Variants in MRAP observed in about 807,000 individuals in gnomAD.
MRAP encodes the protein melanocortin-2 receptor accessory protein.
In MRAP, 8 loss-of-function variants were observed where a neutral mutation model predicts 8.7. The ratio of observed to expected loss-of-function variants is 0.92; its 90% CI spans 0.54 to 1.66. MRAP has a LOEUF of 1.66. MRAP is among the 40% of genes most tolerant of loss of function. The probability of loss-of-function intolerance (pLI) is 0.00; values close to 1 mark genes in which losing one functional copy is unlikely to be tolerated. For synonymous variants in MRAP, 95 were observed against 95.5 expected, an observed-to-expected ratio of 1.00 and a Z score of 0.03; for missense variants, 237 against 217.1, an observed-to-expected ratio of 1.09 and a Z score of -0.58.
downstream of MRAP, chr21:32,314,275 C>T: frequency 2.6e-6 from 1 of 382,144 alleles, no homozygotes. Context: ...GCCTCCACCT[C>T]CCAGGTTCAA....
chr21:32,293,002 A>G (rs2032077947), exon 2 of MRAP: 1 of 152,198 alleles, frequency 6.6e-6, no homozygotes, highest in African/African-American at 2.4e-5. Context: ...GGGACTTTGC[A>G]GATGTGATTA....
chr21:32,300,604 G>A (rs970342496), intron 1 of MRAP, among the ~76,000 whole-genome samples: 62 of 125,456 alleles, frequency 4.9e-4, no homozygotes, highest in African/African-American at 1.1e-3. Flanking sequence ...GTCCTATGTC[G>A]GATATGTCAC....
intron 1 of MRAP, among the ~76,000 whole-genome samples, chr21:32,300,901 G>C (rs2032276614): frequency 6.6e-6 from 1 of 151,780 alleles, no homozygotes; most frequent in African/African-American, 2.4e-5. Context: ...CCTATGTCGG[G>C]GCGTCATGTG....
chr21:32,311,929 G>A lies in MRAP; in HGVS notation c.452G>A (p.Gly151Asp). The change falls in exon 3 of 3, where the codon GGT (glycine) becomes GAT (aspartate). Residue 151 changes from glycine (G) to aspartate (D), a missense_variant. Physicochemically the swap from Gly to Asp is moderately conservative, Grantham distance 94. Transcript: ENST00000303645. The stretch of plus-strand genomic sequence containing the variant: ...CTCTGGGAACTGACCCTCAATGGGG[G>A]TCCCCTCGTCAGGAGCAAGCCCAGC... ...TLLWELTLNG[G>D]PLVRSKPSEP... 4 of 1,613,712 alleles carry A rather than the reference G, an allele frequency of 2.5e-6. No homozygotes were observed. Among genetic ancestry groups the A allele is most frequent in the Non-Finnish European group, 3.4e-6 (4 of 1,180,052 alleles).
At chr21:32,313,823 T>C (rs2032633478), downstream of MRAP, 1 of 152,240 alleles carries the variant, frequency 6.6e-6, no homozygotes, top group Admixed American at 6.5e-5. Context: ...CGAAATTTCA[T>C]GACTTTTGTC....
chr21:32,305,336 T>G (rs910227952), intron 1 of MRAP, among the ~76,000 whole-genome samples: 1 of 152,112 alleles, frequency 6.6e-6, no homozygotes, highest in African/African-American at 2.4e-5. Context: ...GAGTCCTCAG[T>G]TTTTCCTGCT....
intron 1 of MRAP, among the ~76,000 whole-genome samples, chr21:32,299,417 C>T (rs1017917499): frequency 1.3e-5 from 2 of 152,180 alleles, no homozygotes. Context: ...TCACTGCAAC[C>T]TCGACTGCCC....
intron 1 of MRAP, among the ~76,000 whole-genome samples, chr21:32,302,060 CA>C (rs746369271): frequency 3.3e-5 from 5 of 152,146 alleles, no homozygotes; most frequent in Non-Finnish European, 7.3e-5. Flanking sequence ...AAGGTAGCAC[CA>C]GGGGCAGGTG....
chr21:32,305,158 A>C (rs2032384866), intron 1 of MRAP, among the ~76,000 whole-genome samples: 1 of 151,540 alleles, frequency 6.6e-6, no homozygotes, highest in Admixed American at 6.6e-5. Flanking sequence ...TTTTTTAGAC[A>C]TGGGGTCTTG....
intron 1 of MRAP, among the ~76,000 whole-genome samples, chr21:32,304,847 G>T (rs564716194): frequency 4.6e-5 from 7 of 151,914 alleles, no homozygotes; most frequent in African/African-American, 1.7e-4. Flanking sequence ...CCCTGCCCCC[G>T]TGGAGTGTAA....
downstream of MRAP, chr21:32,312,842 G>A (rs2409450): frequency 0.16 from 23,885 of 152,060 alleles, 2,541 homozygotes; most frequent in African/African-American, 0.3. Flanking sequence ...AAATAACTGT[G>A]CCCCCCGCCC....
At chr21:32,299,626 T>C (rs995237645) in intron 1 of MRAP, among the ~76,000 whole-genome samples, 1 of 152,174 alleles carries the variant, frequency 6.6e-6, no homozygotes, top group African/African-American at 2.4e-5. Flanking sequence ...CCACCGTGCC[T>C]GGCGAGAATA....
chr21:32,299,585 C>T (rs1386725824), intron 1 of MRAP, among the ~76,000 whole-genome samples: 6 of 152,188 alleles, frequency 3.9e-5, no homozygotes, highest in African/African-American at 1.2e-4. Context: ...CCAATCTCGG[C>T]TTCCCAAAGT....
At chr21:32,296,209 C>A (rs1000196999), upstream of MRAP, among the ~76,000 whole-genome samples, 2 of 152,102 alleles carry the variant, frequency 1.3e-5, no homozygotes, top group Non-Finnish European at 1.5e-5. Context: ...GGATTAGAAC[C>A]CATTGTCATG....
At chr21:32,313,578 C>T (rs544182943), downstream of MRAP, 26 of 152,310 alleles carry the variant, frequency 1.7e-4, no homozygotes, top group Admixed American at 1.6e-3. Context: ...TGCCAACAAA[C>T]GTTACTCATG....
upstream of MRAP, among the ~76,000 whole-genome samples, chr21:32,296,848 G>A (rs1465693091): frequency 2.0e-5 from 3 of 152,322 alleles, no homozygotes; most frequent in East Asian, 3.9e-4. Flanking sequence ...TGCCCTGCAT[G>A]AGGCAGGGAG....
chr21:32,307,576 C>T (rs1333699797), intron 2 of MRAP, among the ~76,000 whole-genome samples: 1 of 60,410 alleles, frequency 1.7e-5, no homozygotes, highest in South Asian at 5.7e-4. Flanking sequence ...GACTCCGTCT[C>T]AAAAAAAAAA....
upstream of MRAP, among the ~76,000 whole-genome samples, chr21:32,296,409 T>C (rs1474024289): frequency 6.6e-6 from 1 of 152,180 alleles, no homozygotes; most frequent in Non-Finnish European, 1.5e-5. Flanking sequence ...CATCTGGAAG[T>C]ACACAGGTGG....
At chr21:32,308,916 G>A (rs2032483280) in intron 2 of MRAP, among the ~76,000 whole-genome samples, 1 of 152,168 alleles carries the variant, frequency 6.6e-6, no homozygotes, top group Non-Finnish European at 1.5e-5. Context: ...GCAGAGAGAT[G>A]AGCCAAACTG....
Sources: gnomAD v4.1 joint callset for allele counts (sites outside exome capture counted in the v4.1 genomes callset) on GRCh38, gnomAD v4.1.1 for gene constraint, MANE v1.5 for transcripts, NCBI Gene and HGNC (gene_info 2026-07-23, HGNC 2026-07-21) for gene names.